RGMA: variants seen among roughly 807,000 people sequenced by gnomAD.
RGMA encodes repulsive guidance molecule BMP co-receptor a, also known as repulsive guidance molecule A.
Under a neutral mutation model 23.2 loss-of-function variants are expected in RGMA, and 10 were observed. That is an observed-to-expected ratio of 0.43 (90% CI 0.27 to 0.73). The LOEUF is 0.73. Ranked by LOEUF, RGMA falls within the 30% of genes least tolerant of loss-of-function variation. The probability of loss-of-function intolerance (pLI) is 0.20; values close to 1 mark genes in which losing one functional copy is unlikely to be tolerated. For missense variants in RGMA, 547 were observed against 630.5 expected, an observed-to-expected ratio of 0.87 and a Z score of 1.42; for synonymous variants, 308 against 279.3, an observed-to-expected ratio of 1.10 and a Z score of -1.03.
chr15:93,043,555 ACAAC>A lies in RGMA; in HGVS notation c.*1439_*1442del, dbSNP rs1217433797. 1 of 152,516 alleles carries A rather than the reference ACAAC, an allele frequency of 6.6e-6. No individual in the cohort carries two copies. Among genetic ancestry groups the A allele is most frequent in the Non-Finnish European group, 1.5e-5 (1 of 68,058 alleles). 9.4% of individuals were successfully genotyped at this position (152,516 alleles called of 1,614,324 possible). On this transcript the variant is annotated 3_prime_UTR_variant, in exon 4 of 4. Coordinates refer to ENST00000329082, the MANE Select transcript of RGMA (RefSeq NM_020211.3). ...ACTTCCAAGCAGAACGTGAGCAAAC[ACAAC>A]CAAAATAAAGTGCTTCACTTTTTAC... is the stretch of plus-strand genomic sequence containing the variant.
At chr15:93,086,044 G>C (rs1895630046) in intron 1 of RGMA, among the ~76,000 whole-genome samples, 1 of 152,206 alleles carries the variant, frequency 6.6e-6, no homozygotes, top group African/African-American at 2.4e-5. Context: ...ATAAGAAAAA[G>C]AGGAGCCTGT....
intron 2 of RGMA, among the ~76,000 whole-genome samples, chr15:93,070,449 T>C (rs1895286533): frequency 6.6e-6 from 1 of 152,152 alleles, no homozygotes; most frequent in Non-Finnish European, 1.5e-5. Context: ...TGCTGGGGCT[T>C]TATTTCTCGA....
chr15:93,088,629 C>T (rs1895682512), intron 1 of RGMA: 2 of 1,014,294 alleles, frequency 2.0e-6, no homozygotes, highest in African/African-American at 1.7e-5. Flanking sequence ...GAGCTCCCAG[C>T]CCGCACACGG....
chr15:93,078,119 T>G (rs1198920281), intron 1 of RGMA, among the ~76,000 whole-genome samples: 2 of 152,236 alleles, frequency 1.3e-5, no homozygotes, highest in East Asian at 3.8e-4. Flanking sequence ...ATGACTCTCC[T>G]GCAGCTCTTC....
At position 93,074,774 on chromosome 15, in the gene RGMA, G is replaced by A. The variant is rs574913895; in HGVS notation, c.15-1743C>T. 7.2e-5 allele frequency among the ~76,000 whole-genome samples: 11 copies of A among 152,306 alleles called. No individual in the cohort carries two copies. In the South Asian group the frequency reaches 2.1e-3, roughly 29 times the overall value. ...TATTCTGCAGCATCACCGAACGGCA[G>A]CCCATTCCAGCGGCCACCGGGGCAC... On this transcript the variant is annotated intron_variant, in intron 1 of 3. Transcript: ENST00000329082.
chr15:93,088,887 C>A, intron 1 of RGMA, 32 bp downstream of exon 1: 2 of 1,490,318 alleles, frequency 1.3e-6, no homozygotes, highest in Non-Finnish European at 8.9e-7. Flanking sequence ...GATGTCAGAG[C>A]CGGGTCTGCC....
intron 2 of RGMA, among the ~76,000 whole-genome samples, chr15:93,054,204 TG>T (rs551445951): frequency 3.9e-3 from 521 of 132,368 alleles, no homozygotes; most frequent in Non-Finnish European, 5.4e-3. Context: ...TACTCCAGTC[TG>T]GGAGACAGAG....
chr15:93,057,932 C>T lies in RGMA; in HGVS notation c.131-5425G>A, dbSNP rs919901435. ...AGCCTGTGTGGTCCAGTCTCTATGT[C>T]CTTGTTCCTGACAGAGAGCACTCGG... On this transcript the variant is annotated intron_variant, in intron 2 of 3. Transcript: ENST00000329082. Among the ~76,000 whole-genome samples the T allele has an allele frequency of 2.0e-5, 3 of 152,122 alleles. No individual in the cohort carries two copies. In the South Asian group the frequency reaches 6.2e-4, roughly 32 times the overall value.
At chr15:93,058,614 CTTG>C (rs1362193808) in intron 2 of RGMA, among the ~76,000 whole-genome samples, 1 of 152,180 alleles carries the variant, frequency 6.6e-6, no homozygotes, top group Non-Finnish European at 1.5e-5. Flanking sequence ...CCAGGACTGA[CTTG>C]TTATCCTCAT....
In RGMA at chr15:93,076,341, A is replaced by AT. The variant is rs1234232771; in HGVS notation, c.15-3311dup. On this transcript the variant is annotated intron_variant, in intron 1 of 3. Coordinates refer to ENST00000329082, the MANE Select transcript of RGMA (RefSeq NM_020211.3). ...GGGCTTCTGAAAGGAAGGGTTCTGC[A>AT]TACGGCTGAAGTCTTCTCAGGGGCA... Among the ~76,000 whole-genome samples, 5 of 152,288 alleles carry AT rather than the reference A, an allele frequency of 3.3e-5. No homozygotes were observed. In the East Asian group the frequency reaches 9.7e-4, roughly 29 times the overall value.
At chr15:93,067,293 A>G (rs889661428) in intron 2 of RGMA, among the ~76,000 whole-genome samples, 1 of 152,080 alleles carries the variant, frequency 6.6e-6, no homozygotes, top group African/African-American at 2.4e-5. Context: ...AGAAAAAAAA[A>G]TCCTGTGGTC....
At chr15:93,061,850 T>G (rs1004981048) in intron 2 of RGMA, among the ~76,000 whole-genome samples, 1 of 152,174 alleles carries the variant, frequency 6.6e-6, no homozygotes, top group African/African-American at 2.4e-5. Context: ...ACCGCCCTGT[T>G]TGCATAACAA....
intron 3 of RGMA, among the ~76,000 whole-genome samples, chr15:93,051,458 C>T (rs867447701): frequency 1.2e-4 from 18 of 152,204 alleles, no homozygotes; most frequent in African/African-American, 4.1e-4. Flanking sequence ...TGGCTAAGTC[C>T]GATTCAGGAC....
In RGMA at chr15:93,045,832, T is replaced by G; in HGVS notation, c.646-127A>C. Reference sequence around the variant, plus strand: ...CCCAGGGATGCCCCAGACACTCCCTTCTCCAGGTTGGACAGATCAGTTCCA... The same window carrying G: ...CCCAGGGATGCCCCAGACACTCCCTGCTCCAGGTTGGACAGATCAGTTCCA... On this transcript the variant is annotated intron_variant, in intron 3 of 3. Coordinates refer to ENST00000329082, the MANE Select transcript of RGMA (RefSeq NM_020211.3). This position sits in a 1 kb window ranked among gnomAD's most constrained non-coding sequence, Gnocchi z 6.9. 1.5e-6 allele frequency: 1 copy of G among 681,068 alleles called. No individual in the cohort carries two copies. Among genetic ancestry groups the G allele is most frequent in the Non-Finnish European group, 2.5e-6 (1 of 394,560 alleles). 42.2% of individuals were successfully genotyped at this position (681,068 alleles called of 1,614,324 possible). A position where few individuals can be genotyped will look rare whatever the true frequency, so the allele number is the denominator to read the frequency against.
chr15:93,060,834 T>G (rs1894935891), intron 2 of RGMA, among the ~76,000 whole-genome samples: 1 of 152,208 alleles, frequency 6.6e-6, no homozygotes. Context: ...TCTGGACAGC[T>G]CCAGCTGTGG....
chr15:93,046,020 A>C (rs1033396684), intron 3 of RGMA, among the ~76,000 whole-genome samples: 4 of 152,226 alleles, frequency 2.6e-5, no homozygotes, highest in Non-Finnish European at 5.9e-5. Flanking sequence ...GATAATTAAA[A>C]ATAAAAGGTC....
intron 2 of RGMA, among the ~76,000 whole-genome samples, chr15:93,061,010 G>A (rs1217099582): frequency 6.6e-6 from 1 of 152,242 alleles, no homozygotes; most frequent in Non-Finnish European, 1.5e-5. Flanking sequence ...TGGACTGTCA[G>A]TGTCACCCAT....
Position 93,044,907 on chromosome 15 carries a change from C to G in RGMA, c.*91G>C. On this transcript the variant is annotated 3_prime_UTR_variant, in exon 4 of 4. Coordinates refer to ENST00000329082, the MANE Select transcript of RGMA (RefSeq NM_020211.3). The stretch of plus-strand genomic sequence containing the variant: ...GCGTTCTGCGGGGCCATGGTGGACA[C>G]GCCAGGAGATCTGCACCCCGTGGGC... 1 of 1,115,012 alleles carries G rather than the reference C, an allele frequency of 9.0e-7. No individual in the cohort carries two copies. The highest frequency in any genetic ancestry group is 2.6e-5 in the East Asian group (1 of 38,564). 69.1% of individuals were successfully genotyped at this position (1,115,012 alleles called of 1,614,324 possible). A position where few individuals can be genotyped will look rare whatever the true frequency, so the allele number is the denominator to read the frequency against.
At chr15:93,064,059 C>T (rs911239670) in intron 2 of RGMA, among the ~76,000 whole-genome samples, 1 of 152,240 alleles carries the variant, frequency 6.6e-6, no homozygotes, top group Non-Finnish European at 1.5e-5. Context: ...CCACACTACC[C>T]TCCCATCCCC....
Sources: gnomAD v4.1 joint callset for allele counts (sites outside exome capture counted in the v4.1 genomes callset) on GRCh38, gnomAD v4.1.1 for gene constraint, Gnocchi (gnomAD v3.1) non-coding constraint, MANE v1.5 for transcripts, NCBI Gene and HGNC (gene_info 2026-07-23, HGNC 2026-07-21) for gene names.